The following PBX1 variants were observed in gnomAD, a reference collection of about 807,000 sequenced individuals.
PBX1 encodes PBX homeobox 1, also known as pre-B-cell leukemia transcription factor 1.
Under a neutral mutation model 53.4 loss-of-function variants are expected in PBX1, and 6 were observed. The ratio of observed to expected loss-of-function variants is 0.11; its 90% confidence interval spans 0.06 to 0.22. PBX1 has a LOEUF of 0.22. Among genes scored for constraint, PBX1 ranks in the 10% least tolerant of loss-of-function variants. The pLI, the probability that PBX1 is intolerant of heterozygous loss-of-function variation, is 1.00. For synonymous variants in PBX1, 204 were observed against 212.3 expected (o/e 0.96, Z 0.34); for missense variants, 251 against 551.4 (o/e 0.46, Z 5.46).
intron 8 of PBX1, among the ~76,000 whole-genome samples, chr1:164,822,074 T>A (rs919263055): frequency 1.3e-5 from 2 of 152,002 alleles, no homozygotes; most frequent in Non-Finnish European, 2.9e-5. Context: ...AAAAGAAAAT[T>A]AACACAGAAG....
intron 2 of PBX1, among the ~76,000 whole-genome samples, chr1:164,699,979 AG>A (rs899340116): frequency 6.6e-6 from 1 of 152,182 alleles, no homozygotes; most frequent in Non-Finnish European, 1.5e-5. Flanking sequence ...GAGGCGAAGG[AG>A]GGGACTTAAT....
chr1:164,727,624 TCC>T (rs1664766407), intron 2 of PBX1, among the ~76,000 whole-genome samples: 1 of 152,156 alleles, frequency 6.6e-6, no homozygotes, highest in African/African-American at 2.4e-5. Context: ...AAGGCAACCG[TCC>T]CCATGCACTA....
rs12128550 is a variant in PBX1, at chr1:164,835,867, A to T, written c.1201-10717A>T. 9.3e-3 allele frequency among the ~76,000 whole-genome samples: 1,412 copies of T among 152,304 alleles called. 9 individuals are homozygous for T. The highest frequency in any genetic ancestry group is 0.015 in the Non-Finnish European group (1,029 of 68,032). On this transcript the variant is annotated intron_variant, in intron 8 of 8. Coordinates refer to ENST00000420696, the MANE Select transcript of PBX1 (RefSeq NM_002585.4). ...TACCAGTATTGATCTTAAAATAAAT[A>T]AATTAATTAACCCTACAATCTGAAC...
intron 2 of PBX1, among the ~76,000 whole-genome samples, chr1:164,627,215 A>G (rs1354419697): frequency 6.6e-6 from 1 of 152,158 alleles, no homozygotes; most frequent in Non-Finnish European, 1.5e-5. Context: ...TTCCTTAAGG[A>G]AAAATGAACC....
chr1:164,586,725 G>C (rs114173932), intron 2 of PBX1, among the ~76,000 whole-genome samples: 24 of 152,318 alleles, frequency 1.6e-4, no homozygotes, highest in African/African-American at 5.8e-4. Flanking sequence ...CAGGCATGTG[G>C]AGGGCTGATT....
intron 6 of PBX1, chr1:164,817,820 T>C (rs538130019): frequency 5.3e-4 from 81 of 152,318 alleles, no homozygotes; most frequent in African/African-American, 1.9e-3. Flanking sequence ...GTATACTAAT[T>C]TCCAGAAAAA....
At chr1:164,804,812 T>G (rs889328078) in intron 4 of PBX1, among the ~76,000 whole-genome samples, 2 of 152,232 alleles carry the variant, frequency 1.3e-5, no homozygotes, top group Non-Finnish European at 2.9e-5. Context: ...TTTGAATGAA[T>G]GAATGAATGA....
At chr1:164,587,702 C>G (rs1409370199) in intron 2 of PBX1, among the ~76,000 whole-genome samples, 1 of 152,230 alleles carries the variant, frequency 6.6e-6, no homozygotes, top group East Asian at 1.9e-4. Flanking sequence ...GTTGACCCAT[C>G]TGCTTCTCTT....
intron 2 of PBX1, chr1:164,771,000 C>G (rs1667339523): frequency 6.6e-6 from 1 of 151,936 alleles, no homozygotes. Context: ...CACTTCACTC[C>G]CAGGCCTCCT....
At chr1:164,651,348 C>T (rs1056871697) in intron 2 of PBX1, among the ~76,000 whole-genome samples, 1 of 151,904 alleles carries the variant, frequency 6.6e-6, no homozygotes, top group African/African-American at 2.4e-5. Flanking sequence ...CTACCTGGCT[C>T]ATTTTGTCCC....
At chr1:164,711,312 G>T (rs931720333) in intron 2 of PBX1, among the ~76,000 whole-genome samples, 3 of 152,136 alleles carry the variant, frequency 2.0e-5, no homozygotes, top group Non-Finnish European at 4.4e-5. Context: ...CGCCCATGCT[G>T]GAGTGCAGTG....
At chr1:164,630,104 A>G (rs1658313912) in intron 2 of PBX1, among the ~76,000 whole-genome samples, 1 of 152,188 alleles carries the variant, frequency 6.6e-6, no homozygotes, top group South Asian at 2.1e-4. Context: ...GTCATTAGAA[A>G]ACCTAATGCT....
chr1:164,589,789 C>G (rs780694727), intron 2 of PBX1, among the ~76,000 whole-genome samples: 2 of 152,194 alleles, frequency 1.3e-5, no homozygotes, highest in Non-Finnish European at 2.9e-5. Context: ...GGTGAAGTGA[C>G]TTTTCCAAGG....
At chr1:164,649,817 T>C (rs868279240) in intron 2 of PBX1, among the ~76,000 whole-genome samples, 44 of 152,212 alleles carry the variant, frequency 2.9e-4, no homozygotes, top group African/African-American at 1.1e-3. Flanking sequence ...ACATACTTTC[T>C]CTTATGAATT....
intron 2 of PBX1, chr1:164,626,013 T>C (rs547924029): frequency 1.4e-4 from 146 of 1,041,886 alleles, no homozygotes; most frequent in Non-Finnish European, 1.6e-4. Context: ...CACAGAGTAC[T>C]CTCCTCTGCT....
At position 164,846,716 on chromosome 1, in the gene PBX1, T is replaced by C. The variant is rs765064083; in HGVS notation, c.*40T>C. On this transcript the variant is annotated 3_prime_UTR_variant, in exon 9 of 9. Transcript: ENST00000420696. ...CATCCCGGCTGACCCTGTGCCCCAG[T>C]TGGGGCAGGGGCAGGAGGGAGGGTT... The C allele has an allele frequency of 8.1e-5, 131 of 1,613,796 alleles. No individual in the cohort carries two copies. In the Admixed American group the frequency reaches 1.1e-3, roughly 14 times the overall value.
At chr1:164,755,704 G>A (rs2102207360) in intron 2 of PBX1, among the ~76,000 whole-genome samples, 1 of 152,274 alleles carries the variant, frequency 6.6e-6, no homozygotes, top group East Asian at 1.9e-4. Context: ...TCAGCAGAGT[G>A]TGATGTGGCA....
intron 2 of PBX1, among the ~76,000 whole-genome samples, chr1:164,685,139 G>C (rs1662026169): frequency 6.6e-6 from 1 of 152,118 alleles, no homozygotes; most frequent in Admixed American, 6.5e-5. Context: ...TCTGAATCCA[G>C]GGTTCTAGTC....
intron 2 of PBX1, among the ~76,000 whole-genome samples, chr1:164,741,429 T>TAAG (rs1665595737): frequency 1.3e-5 from 2 of 152,216 alleles, no homozygotes; most frequent in African/African-American, 4.8e-5. Flanking sequence ...AAAGGTCTTT[T>TAAG]AAGTCAAATG....
Sources: allele counts gnomAD v4.1 joint callset (sites outside exome capture counted in the v4.1 genomes callset), GRCh38; gene constraint gnomAD v4.1.1; transcripts MANE v1.5; gene names NCBI Gene and HGNC (gene_info 2026-07-23, HGNC 2026-07-21).